The following SYNPO variants were observed in gnomAD, a reference collection of about 807,000 sequenced individuals.
SYNPO encodes the protein synaptopodin.
SYNPO carries 19 observed loss-of-function variants against 49.5 expected under a neutral mutation model. That is an observed-to-expected ratio of 0.38 (90% CI 0.27 to 0.56). The LOEUF (loss-of-function observed/expected upper bound fraction) is 0.56, where lower values mean the gene tolerates loss of function less well. Ranked by LOEUF, SYNPO falls within the 20% of genes least tolerant of loss-of-function variation. SYNPO has a pLI of 0.68. For missense variants in SYNPO, 1,131 were observed against 1,248.3 expected (o/e 0.91, Z 1.42); for synonymous variants, 536 against 548.0 (o/e 0.98, Z 0.31).
chr5:150,646,468 C>T (rs1020918666), intron 1 of SYNPO, among the ~76,000 whole-genome samples: 2 of 151,990 alleles, frequency 1.3e-5, no homozygotes, highest in Non-Finnish European at 2.9e-5. Flanking sequence ...GCCTGTAATC[C>T]CAGCACTTTG....
chr5:150,624,681 C>A, intron 2 of SYNPO: 1 of 253,122 alleles, frequency 4.0e-6, no homozygotes, highest in South Asian at 1.4e-4. Flanking sequence ...CACGGCTCAC[C>A]CGCCCGCCCG....
the SYNPO span, among the ~76,000 whole-genome samples, chr5:150,595,398 C>T: frequency 6.6e-6 from 1 of 152,230 alleles, no homozygotes; most frequent in Non-Finnish European, 1.5e-5. Context: ...GAAACAGAGG[C>T]CCAGCGAGGA....
At chr5:150,629,215 G>T (rs1757460854) in intron 2 of SYNPO, among the ~76,000 whole-genome samples, 2 of 152,030 alleles carry the variant, frequency 1.3e-5, no homozygotes, top group Admixed American at 1.3e-4. Context: ...GTCTCGCTAT[G>T]TTGCCCAGAC....
intron 2 of SYNPO, among the ~76,000 whole-genome samples, chr5:150,624,511 C>T (rs1465206409): frequency 1.3e-5 from 2 of 152,004 alleles, no homozygotes; most frequent in African/African-American, 4.8e-5. Flanking sequence ...GAGAGACAGA[C>T]AACCAGGCAG....
rs1235015053 is a variant in SYNPO at position 150,640,681 on chromosome 5, A to G, written c.-506A>G. 1 of 985,468 alleles carries G rather than the reference A, an allele frequency of 1.0e-6. No individual in the cohort carries two copies. The highest frequency in any genetic ancestry group is 1.7e-5 in the African/African-American group (1 of 57,238). The allele number at this position is 985,468 out of a possible 1,614,324, so 61.0% of individuals were successfully genotyped here. ...TCCTGATAAAGAGCTGGGCTGAGTC[A>G]TCTGTGGAGGAGAAAAGTCACATCC... On this transcript the variant is annotated 5_prime_UTR_variant, in exon 1 of 3. Coordinates refer to ENST00000307662, the MANE Select transcript of SYNPO (RefSeq NM_007286.6).
chr5:150,644,071 A>T (rs1758004999), intron 1 of SYNPO, among the ~76,000 whole-genome samples: 1 of 151,488 alleles, frequency 6.6e-6, no homozygotes, highest in Non-Finnish European at 1.5e-5. Context: ...GTTACTCAGG[A>T]GGCTGAGGTG....
chr5:150,616,537 T>A (rs1172469905), intron 1 of SYNPO, among the ~76,000 whole-genome samples: 1 of 152,144 alleles, frequency 6.6e-6, no homozygotes, highest in Non-Finnish European at 1.5e-5. Context: ...ACCCTTTGCC[T>A]CCACAAATGA....
At chr5:150,620,278 G>T (rs138552668) in intron 2 of SYNPO, among the ~76,000 whole-genome samples, 1 of 152,188 alleles carries the variant, frequency 6.6e-6, no homozygotes, top group East Asian at 1.9e-4. Flanking sequence ...TGTAAGAAAC[G>T]TTTATACCTA....
chr5:150,587,608 G>A, the SYNPO span, among the ~76,000 whole-genome samples: 6 of 152,156 alleles, frequency 3.9e-5, no homozygotes, highest in Non-Finnish European at 7.3e-5. Flanking sequence ...CTAAAGACAG[G>A]TACCTTTTAT....
chr5:150,597,636 G>C (rs1185818503), upstream of SYNPO, among the ~76,000 whole-genome samples: 1 of 151,576 alleles, frequency 6.6e-6, no homozygotes, highest in Non-Finnish European at 1.5e-5. Flanking sequence ...GCCCAGCCAG[G>C]TTTTTCTGGT....
At chr5:150,610,838 C>CA (rs939822772) in intron 1 of SYNPO, among the ~76,000 whole-genome samples, 3 of 151,990 alleles carry the variant, frequency 2.0e-5, no homozygotes, top group Admixed American at 6.5e-5. Context: ...TACAAGATTA[C>CA]AAAAAATACT....
At chr5:150,639,720 T>C (rs976972173), upstream of SYNPO, among the ~76,000 whole-genome samples, 12 of 152,248 alleles carry the variant, frequency 7.9e-5, no homozygotes, top group African/African-American at 2.9e-4. Flanking sequence ...CTTGGCAGCA[T>C]CTGGTGCTCC....
At chr5:150,587,708 C>T in the SYNPO span, among the ~76,000 whole-genome samples, 1 of 152,144 alleles carries the variant, frequency 6.6e-6, no homozygotes, top group Non-Finnish European at 1.5e-5. Flanking sequence ...AGCAGATAGG[C>T]TCTGAGAAGT....
At chr5:150,642,206 T>C (rs934296811) in intron 1 of SYNPO, among the ~76,000 whole-genome samples, 2 of 152,238 alleles carry the variant, frequency 1.3e-5, no homozygotes, top group African/African-American at 4.8e-5. Context: ...AAGCCCCTTC[T>C]CATGGCTGTG....
At chr5:150,603,885 A>G (rs955778592) in intron 1 of SYNPO, among the ~76,000 whole-genome samples, 2 of 152,188 alleles carry the variant, frequency 1.3e-5, no homozygotes, top group African/African-American at 4.8e-5. Flanking sequence ...CCCTAGGATG[A>G]AACAAAATGC....
chr5:150,628,260 C>T (rs1181964707), intron 2 of SYNPO, among the ~76,000 whole-genome samples: 2 of 152,162 alleles, frequency 1.3e-5, no homozygotes, highest in Non-Finnish European at 2.9e-5. Context: ...TCAGCTTTTC[C>T]ACTCGGTGAG....
intron 1 of SYNPO, among the ~76,000 whole-genome samples, chr5:150,609,787 G>GGT (rs1554107082): frequency 1.6e-5 from 1 of 61,802 alleles, no homozygotes; most frequent in African/African-American, 4.9e-5. Context: ...TGAATGTGGC[G>GGT]GGGGGGGGCA....
upstream of SYNPO, among the ~76,000 whole-genome samples, chr5:150,636,891 G>A (rs562767886): frequency 2.0e-5 from 3 of 152,292 alleles, no homozygotes; most frequent in East Asian, 5.8e-4. Flanking sequence ...TGAAGACAGG[G>A]AGAGAGACAG....
chr5:150,586,953 T>C, the SYNPO span, among the ~76,000 whole-genome samples: 1 of 152,300 alleles, frequency 6.6e-6, no homozygotes, highest in Admixed American at 6.5e-5. Context: ...GATGGATATA[T>C]GGATGCACGG....
Sources: allele counts gnomAD v4.1 joint callset (sites outside exome capture counted in the v4.1 genomes callset), GRCh38; gene constraint gnomAD v4.1.1; transcripts MANE v1.5; gene names NCBI Gene and HGNC (gene_info 2026-07-23, HGNC 2026-07-21).